Variants in PLCB2 observed in about 807,000 individuals in gnomAD.
PLCB2 encodes phospholipase C beta 2, also known as 1-phosphatidylinositol 4,5-bisphosphate phosphodiesterase beta-2.
In PLCB2, 115 loss-of-function variants were observed where a neutral mutation model predicts 141.7. The ratio of observed to expected loss-of-function variants is 0.81; its 90% CI spans 0.70 to 0.95. The LOEUF (loss-of-function observed/expected upper bound fraction) is 0.95. PLCB2 is among the 40% of genes least tolerant of loss of function. PLCB2 has a pLI of 0.00. For synonymous variants in PLCB2, 603 were observed against 595.6 expected, an observed-to-expected ratio of 1.01 and a Z score of -0.18; for missense variants, 1,403 against 1,541.1, an observed-to-expected ratio of 0.91 and a Z score of 1.50.
rs866375038 is a variant in PLCB2, at chr15:40,291,443, C to T, written c.2692G>A (p.Val898Met). The part of the protein sequence containing the change: ...SLEELRELKG[V>M]VKLQRRHEKE... ...TCGTGCCGCCGCTGCAGCTTCACCA[C>T]GCCCTTTAGCTCCCGGAGCTCCTCC... The change falls in exon 26 of 32, where the codon GTG becomes ATG. Residue 898 changes from valine (V) to methionine (M), a missense_variant. Val to Met is a conservative substitution (Grantham distance 21). Transcript: ENST00000260402. 2.6e-6 allele frequency: 4 copies of T among 1,550,652 alleles called. No homozygotes were observed. Among genetic ancestry groups the T allele is most frequent in the East Asian group, 2.4e-5 (1 of 41,602 alleles).
At chr15:40,290,863 C>A (rs1429601845) in intron 27 of PLCB2, 26 bp from the exon 28 acceptor site, 2 of 1,591,908 alleles carry the variant, frequency 1.3e-6, no homozygotes, top group African/African-American at 1.4e-5. Flanking sequence ...GTAAGCTTGG[C>A]GAGAAGCCCT....
At chr15:40,293,841 C>A in intron 19 of PLCB2, 117 bp from the exon 20 acceptor site, 6 of 991,172 alleles carry the variant, frequency 6.1e-6, no homozygotes, top group Non-Finnish European at 9.0e-6. Flanking sequence ...TTATGAAGAA[C>A]CTCACTCAGC....
rs368743690 is a variant in PLCB2 at position 40,291,707 on chromosome 15, C to A, written c.2603-57G>T. 1.9e-6 allele frequency: 3 copies of A among 1,606,578 alleles called. No individual in the cohort carries two copies. The South Asian group carries it at 3.3e-5, about 18-fold the overall frequency. ...CTCTGGGGGGCCCCTTGGCTCCGTT[C>A]GCCTCCTCCACACCGCCCCCTGGGA... On this transcript the variant is annotated intron_variant, in intron 24 of 31. Coordinates refer to ENST00000260402, the MANE Select transcript of PLCB2 (RefSeq NM_004573.3).
Position 40,296,354 on chromosome 15 carries a change from C to A in PLCB2, c.1638G>T (p.Met546Ile), listed in dbSNP as rs754713811. 9 of 1,613,804 alleles carry A rather than the reference C, an allele frequency of 5.6e-6. No individual in the cohort carries two copies. In the South Asian group the frequency reaches 9.9e-5, roughly 18 times the overall value. The stretch of plus-strand genomic sequence containing the variant: ...GCTGGATGTAATTGACTAGGCTGGA[C>A]ATCTCCTCATAAGCCGTCACTTCCA... The part of the protein sequence containing the change: ...AGLEVTAYEE[M>I]SSLVNYIQPT... The change falls in exon 16 of 32, where the codon ATG becomes ATT. Residue 546 changes from methionine (M) to isoleucine (I), a missense_variant. Physicochemically the swap from Met to Ile is conservative, Grantham distance 10. Coordinates refer to ENST00000260402, the MANE Select transcript of PLCB2 (RefSeq NM_004573.3).
In PLCB2 at chr15:40,297,542, T is replaced by C; in HGVS notation, c.1302A>G (p.Thr434=). 1 of 1,614,140 alleles carries C rather than the reference T, an allele frequency of 6.2e-7. No homozygotes were observed. The highest frequency in any genetic ancestry group is 1.1e-5 in the South Asian group (1 of 91,084). ...TCACTGGGAACTTTTCCAGGGGCTC[T>C]GTGAGCAGCATATCCCCAAAGATCG... The part of the protein sequence containing the change: ...CRTIFGDMLL[T]EPLEKFPLKP... The change falls in exon 13 of 32, where the codon ACA becomes ACG. Residue 434 remains threonine, a synonymous_variant. Coordinates refer to ENST00000260402, the MANE Select transcript of PLCB2 (RefSeq NM_004573.3). This position sits in a 1 kb window ranked among gnomAD's most constrained non-coding sequence, Gnocchi z 4.2.
rs763532703 is a variant in PLCB2, at chr15:40,289,312, TGCTTCTCCTCCA to T, written c.3302_3313del (p.Leu1101_Lys1104del). 6 of 1,614,038 alleles carry T rather than the reference TGCTTCTCCTCCA, an allele frequency of 3.7e-6. No individual in the cohort carries two copies. Among genetic ancestry groups the T allele is most frequent in the Non-Finnish European group, 5.1e-6 (6 of 1,180,000 alleles). ...CCGTATCTGTTCCAGGCAAGCCGCCTGCTTCTCCTCCAGCTTCTCCTGGTGCCTCTCCAAGTT... is the reference window on the plus strand; with the variant it reads ...CCGTATCTGTTCCAGGCAAGCCGCCTGCTTCTCCTGGTGCCTCTCCAAGTT... On this transcript the variant is annotated inframe_deletion, in exon 31 of 32. Coordinates refer to ENST00000260402, the MANE Select transcript of PLCB2 (RefSeq NM_004573.3).
chr15:40,294,458 C>T (rs1233920346), intron 18 of PLCB2, 38 bp from the exon 19 acceptor site: 2 of 1,610,506 alleles, frequency 1.2e-6, no homozygotes, highest in Non-Finnish European at 1.7e-6. Context: ...AAGGCCCAGC[C>T]CTGGGGCTGT....
chr15:40,284,489 CG>C (rs1339324698), downstream of PLCB2: 1 of 455,772 alleles, frequency 2.2e-6, no homozygotes, highest in Non-Finnish European at 4.4e-6. Flanking sequence ...AGAGGGCTCT[CG>C]GGCCTTTTAA....
intron 10 of PLCB2, 23 bp downstream of exon 10, chr15:40,298,539 G>C: frequency 6.2e-7 from 1 of 1,614,090 alleles, no homozygotes; most frequent in Non-Finnish European, 8.5e-7. Flanking sequence ...GCAGAGGTTG[G>C]CACCAATGTT....
chr15:40,291,639 C>T lies in PLCB2; in HGVS notation c.2614G>A (p.Gly872Arg). 1 of 1,613,160 alleles carries T rather than the reference C, an allele frequency of 6.2e-7. No homozygotes were observed. Residue 872 changes from glycine (G) to arginine (R), a missense_variant, in exon 25 of 32, where the codon GGG becomes AGG. Gly to Arg is a moderately radical substitution (Grantham distance 125). Coordinates refer to ENST00000260402, the MANE Select transcript of PLCB2 (RefSeq NM_004573.3). Reference protein sequence around the residue: ...TSNGSPAARAGAREEAMKEAA... With the variant: ...TSNGSPAARARAREEAMKEAA... ...TCTTTCATAGCCTCTTCCCTGGCCC[C>T]GGCCCTGGCTGCTGCAAGAGCCACG...
chr15:40,295,335 C>A, intron 16 of PLCB2, 50 bp from the exon 17 acceptor site: 1 of 1,317,112 alleles, frequency 7.6e-7, no homozygotes, highest in Non-Finnish European at 1.1e-6. Flanking sequence ...CTGTCCCCTC[C>A]CTCAGTCTTG....
rs1416566156 is a variant in PLCB2 at position 40,307,493 on chromosome 15, G to A, written c.84+96C>T. 8.7e-5 allele frequency: 62 copies of A among 711,082 alleles called. 1 individual carries two copies. In the Admixed American group the frequency reaches 1.9e-3, roughly 22 times the overall value. 44.0% of individuals were successfully genotyped at this position (711,082 alleles called of 1,614,324 possible). On this transcript the variant is annotated intron_variant, in intron 1 of 31. Coordinates refer to ENST00000260402, the MANE Select transcript of PLCB2 (RefSeq NM_004573.3). ...AACCACACAGGCGCCTGGATCCTAG[G>A]AGACATAAACCAATCCTCCCACCCA...
chr15:40,291,722 G>A, intron 24 of PLCB2, 72 bp from the exon 25 acceptor site: 2 of 1,603,706 alleles, frequency 1.2e-6, no homozygotes, highest in South Asian at 2.2e-5. Context: ...CCTCCACACC[G>A]CCCCCTGGGA....
chr15:40,288,471 T>G lies in PLCB2; in HGVS notation c.*244A>C. 7.9e-7 allele frequency: 1 copy of G among 1,260,196 alleles called. No individual in the cohort carries two copies. Among genetic ancestry groups the G allele is most frequent in the Non-Finnish European group, 1.0e-6 (1 of 1,002,040 alleles). The allele number at this position is 1,260,196 out of a possible 1,614,324, so 78.1% of individuals were successfully genotyped here. ...CAAATATATGACACTTATCTAGAGA[T>G]GGAGGGGGAGGTAGGAAGTCAGCTT... On this transcript the variant is annotated 3_prime_UTR_variant, in exon 32 of 32. Transcript: ENST00000260402.
At chr15:40,299,888 T>A (rs1288823319) in intron 7 of PLCB2, among the ~76,000 whole-genome samples, 1 of 152,194 alleles carries the variant, frequency 6.6e-6, no homozygotes. Flanking sequence ...GGACAGGTAT[T>A]TCTCCAAAGA....
intron 3 of PLCB2, among the ~76,000 whole-genome samples, chr15:40,302,856 G>A (rs1322386211): frequency 6.6e-6 from 1 of 152,230 alleles, no homozygotes; most frequent in Non-Finnish European, 1.5e-5. Flanking sequence ...TGGGAGTCCT[G>A]TGTGTGTTGG....
At chr15:40,286,016 G>A, downstream of PLCB2, 1 of 985,640 alleles carries the variant, frequency 1.0e-6, no homozygotes, top group Non-Finnish European at 1.2e-6. Flanking sequence ...AGGGGGTGGT[G>A]GTGCCAGGTC....
chr15:40,293,464 G>A, intron 20 of PLCB2, 96 bp downstream of exon 20: 2 of 1,215,060 alleles, frequency 1.6e-6, no homozygotes, highest in Non-Finnish European at 2.4e-6. Flanking sequence ...AGAGGAGGAG[G>A]AGGAAGGTCA....
intron 20 of PLCB2, 59 bp from the exon 21 acceptor site, chr15:40,293,084 C>T: frequency 9.6e-7 from 1 of 1,042,202 alleles, no homozygotes; most frequent in Non-Finnish European, 1.4e-6. Context: ...AGCTGACCCC[C>T]TCCCTGGCTC....
Sources: allele counts gnomAD v4.1 joint callset (sites outside exome capture counted in the v4.1 genomes callset), GRCh38; gene constraint gnomAD v4.1.1; non-coding constraint Gnocchi (gnomAD v3.1); transcripts MANE v1.5; gene names NCBI Gene and HGNC (gene_info 2026-07-23, HGNC 2026-07-21).